Variants in MARCHF7 observed in about 807,000 individuals in gnomAD.
The protein encoded by MARCHF7 is membrane associated ring-CH-type finger 7, also known as E3 ubiquitin-protein ligase MARCHF7.
Under a neutral mutation model 76.5 loss-of-function variants are expected in MARCHF7, and 20 were observed. The observed-to-expected ratio is 0.26, with a 90% confidence interval of 0.18 to 0.38. The LOEUF (loss-of-function observed/expected upper bound fraction) is 0.38, where lower values mean the gene tolerates loss of function less well. MARCHF7 is among the 10% of genes least tolerant of loss of function. MARCHF7 has a pLI of 1.00. For missense variants in MARCHF7, 797 were observed against 812.9 expected (o/e 0.98, Z 0.24); for synonymous variants, 295 against 293.0 (o/e 1.01, Z -0.07).
rs1175842530 is a variant in MARCHF7 at position 159,768,940 on chromosome 2, T to C, written c.*1598T>C. 3 of 152,220 alleles carry C rather than the reference T, an allele frequency of 2.0e-5. No individual in the cohort carries two copies. The highest frequency in any genetic ancestry group is 7.2e-5 in the African/African-American group (3 of 41,466). The allele number at this position is 152,220 out of a possible 1,614,324, so 9.4% of individuals were successfully genotyped here. A position where few individuals can be genotyped will look rare whatever the true frequency, so the allele number is the denominator to read the frequency against. ...ATGCACATAATTCTGTATAGTTTTG[T>C]TATTAAATGCTAAATGACAGTGATA... On this transcript the variant is annotated 3_prime_UTR_variant, in exon 12 of 12. Coordinates refer to ENST00000409175, the MANE Select transcript of MARCHF7 (RefSeq NM_001282805.2).
At chr2:159,725,220 A>T (rs537957480) in intron 3 of MARCHF7, among the ~76,000 whole-genome samples, 45 of 152,322 alleles carry the variant, frequency 3.0e-4, no homozygotes, top group African/African-American at 1.1e-3. Flanking sequence ...GCTGGGTCAA[A>T]TGGTATTTCT....
At chr2:159,746,548 T>A (rs12611522) in intron 6 of MARCHF7, among the ~76,000 whole-genome samples, 52,342 of 152,068 alleles carry the variant, frequency 0.34, 9,217 homozygotes, top group South Asian at 0.44. Flanking sequence ...GTTACAGGCA[T>A]ATGCCACCAT....
chr2:159,732,683 A>G (rs1313948953), intron 4 of MARCHF7, among the ~76,000 whole-genome samples: 1 of 152,078 alleles, frequency 6.6e-6, no homozygotes, highest in Non-Finnish European at 1.5e-5. Flanking sequence ...ACACACACAC[A>G]CGTGGCTAAT....
At chr2:159,715,004 G>A (rs1317994960) in intron 2 of MARCHF7, among the ~76,000 whole-genome samples, 1 of 152,184 alleles carries the variant, frequency 6.6e-6, no homozygotes, top group East Asian at 1.9e-4. Flanking sequence ...ATAATTTTTA[G>A]ATAATCTTTG....
intron 3 of MARCHF7, among the ~76,000 whole-genome samples, chr2:159,716,636 C>T (rs1701073593): frequency 7.5e-6 from 1 of 133,640 alleles, no homozygotes; most frequent in Non-Finnish European, 1.7e-5. Context: ...GAGTGAGACC[C>T]TGTCTCCAAA....
At chr2:159,742,702 G>A (rs534173290) in intron 4 of MARCHF7, among the ~76,000 whole-genome samples, 2 of 152,248 alleles carry the variant, frequency 1.3e-5, no homozygotes, top group South Asian at 4.1e-4. Context: ...AATCCCAGCG[G>A]CCGAGGCAGG....
chr2:159,726,133 A>G (rs1015088483), intron 3 of MARCHF7, among the ~76,000 whole-genome samples: 39 of 152,178 alleles, frequency 2.6e-4, no homozygotes, highest in Non-Finnish European at 2.9e-5. Context: ...CCTAGGAAAG[A>G]TTTATTTGCC....
chr2:159,754,938 C>G (rs1175669532), intron 8 of MARCHF7, among the ~76,000 whole-genome samples: 1 of 152,088 alleles, frequency 6.6e-6, no homozygotes, highest in Admixed American at 6.6e-5. Flanking sequence ...GTATTAGTGT[C>G]TATAAAAGTG....
chr2:159,740,458 G>C (rs904491235), intron 4 of MARCHF7, among the ~76,000 whole-genome samples: 21 of 152,090 alleles, frequency 1.4e-4, no homozygotes, highest in African/African-American at 4.3e-4. Context: ...ATGTCCTACT[G>C]GTCAAAAGTG....
intron 7 of MARCHF7, among the ~76,000 whole-genome samples, chr2:159,750,492 TCCAA>T (rs1705504096): frequency 6.6e-6 from 1 of 152,106 alleles, no homozygotes; most frequent in South Asian, 2.1e-4. Flanking sequence ...ACCACTGCAC[TCCAA>T]CCAGGCGACA....
chr2:159,765,224 G>A (rs1260479097), intron 11 of MARCHF7, among the ~76,000 whole-genome samples: 1 of 148,874 alleles, frequency 6.7e-6, no homozygotes, highest in Admixed American at 6.7e-5. Context: ...TTGGCTTTTT[G>A]TAGGTCCTCA....
chr2:159,746,683 G>A (rs556892908), intron 6 of MARCHF7, among the ~76,000 whole-genome samples: 6 of 152,310 alleles, frequency 3.9e-5, no homozygotes, highest in Non-Finnish European at 7.3e-5. Context: ...TTACAGGTAT[G>A]AGCCACTGCA....
intron 3 of MARCHF7, 43 bp downstream of exon 3, chr2:159,715,809 C>T (rs1700970776): frequency 6.6e-6 from 1 of 152,176 alleles, no homozygotes; most frequent in African/African-American, 2.4e-5. Context: ...CTGCTCTACA[C>T]CCATTTTTGT....
chr2:159,720,880 C>T (rs920763326), intron 3 of MARCHF7, among the ~76,000 whole-genome samples: 2 of 152,184 alleles, frequency 1.3e-5, no homozygotes, highest in Non-Finnish European at 2.9e-5. Flanking sequence ...CCGCTCAAGA[C>T]AGAGTCTTGC....
At chr2:159,744,862 A>C (rs557164579) in intron 5 of MARCHF7, among the ~76,000 whole-genome samples, 230 of 152,376 alleles carry the variant, frequency 1.5e-3, no homozygotes, top group Non-Finnish European at 2.7e-3. Context: ...CAAAATTTCA[A>C]GGTAAATAGT....
At chr2:159,742,389 C>T (rs756931406) in intron 4 of MARCHF7, among the ~76,000 whole-genome samples, 1 of 151,690 alleles carries the variant, frequency 6.6e-6, no homozygotes, top group Non-Finnish European at 1.5e-5. Flanking sequence ...TTCTTTATAG[C>T]TTAGTGTTCT....
At chr2:159,731,739 A>G (rs1702818308) in intron 4 of MARCHF7, among the ~76,000 whole-genome samples, 1 of 151,410 alleles carries the variant, frequency 6.6e-6, no homozygotes, top group South Asian at 2.1e-4. Flanking sequence ...GGGCAATAAG[A>G]GTGAAACTCC....
chr2:159,745,903 T>C lies in MARCHF7; in HGVS notation c.480T>C (p.Tyr160=), dbSNP rs1283694148. 3 of 1,611,454 alleles carry C rather than the reference T, an allele frequency of 1.9e-6. No individual in the cohort carries two copies. The highest frequency in any genetic ancestry group is 2.5e-6 in the Non-Finnish European group (3 of 1,179,122). ...TDSSISNLMD[Y]SHRSGDFTTS... is the part of the protein sequence containing the mutation. ...CCTCTATTAGTAATCTTATGGATTA[T>C]AGTCACCGAAGTGGTGATTTCACAA... The change falls in exon 6 of 12, where the codon TAT becomes TAC. Residue 160 remains tyrosine, a synonymous_variant. Transcript: ENST00000409175.
intron 5 of MARCHF7, among the ~76,000 whole-genome samples, chr2:159,743,599 A>G (rs2125554166): frequency 6.6e-6 from 1 of 152,286 alleles, no homozygotes; most frequent in Non-Finnish European, 1.5e-5. Context: ...AATATTGCTT[A>G]AGCATGTCTT....
Sources: allele counts gnomAD v4.1 joint callset (sites outside exome capture counted in the v4.1 genomes callset), GRCh38; gene constraint gnomAD v4.1.1; transcripts MANE v1.5; gene names NCBI Gene and HGNC (gene_info 2026-07-23, HGNC 2026-07-21).